Variants in VWA3B observed in about 807,000 individuals in gnomAD.
The protein encoded by VWA3B is von Willebrand factor A domain-containing protein 3B.
In VWA3B, 138 loss-of-function variants were observed where a neutral mutation model predicts 158.3. That is an observed-to-expected ratio of 0.87 (90% CI 0.76 to 1.00). VWA3B has a LOEUF of 1.00. Among genes scored for constraint, VWA3B ranks in the 50% least tolerant of loss-of-function variants. The pLI, the probability that VWA3B is intolerant of heterozygous loss-of-function variation, is 0.00. For missense variants in VWA3B, 1,555 were observed against 1,565.1 expected (o/e 0.99, Z 0.11); for synonymous variants, 596 against 587.3 (o/e 1.01, Z -0.21).
intron 12 of VWA3B, chr2:98,207,706 T>C: frequency 2.4e-6 from 1 of 411,560 alleles, no homozygotes; most frequent in Non-Finnish European, 4.7e-6. Context: ...CAGAAGCTGA[T>C]ACGCTGGCTG....
chr2:98,191,911 C>G (rs1034209829), intron 10 of VWA3B, among the ~76,000 whole-genome samples: 33 of 152,168 alleles, frequency 2.2e-4, no homozygotes, highest in African/African-American at 7.2e-4. Flanking sequence ...AATATTTTTT[C>G]CATACTCTTT....
intron 5 of VWA3B, among the ~76,000 whole-genome samples, chr2:98,126,168 A>G (rs561938716): frequency 6.6e-6 from 1 of 152,338 alleles, no homozygotes; most frequent in East Asian, 1.9e-4. Context: ...TCATAACCTT[A>G]GTAAAGGAAA....
intron 7 of VWA3B, among the ~76,000 whole-genome samples, chr2:98,136,206 A>G (rs1676270244): frequency 6.6e-6 from 1 of 152,198 alleles, no homozygotes; most frequent in South Asian, 2.1e-4. Flanking sequence ...TAAGATAAAA[A>G]ATGTTTTTTA....
At chr2:98,318,712 C>A in the VWA3B span, among the ~76,000 whole-genome samples, 1 of 152,082 alleles carries the variant, frequency 6.6e-6, no homozygotes, top group African/African-American at 2.4e-5. Flanking sequence ...GCACATGTAC[C>A]CCTGAACTTA....
intron 8 of VWA3B, among the ~76,000 whole-genome samples, chr2:98,164,779 A>T (rs1031024977): frequency 6.6e-6 from 1 of 152,222 alleles, no homozygotes; most frequent in African/African-American, 2.4e-5. Flanking sequence ...TGCACCATAC[A>T]AACAACCTCA....
intron 8 of VWA3B, among the ~76,000 whole-genome samples, chr2:98,171,147 A>G (rs567642718): frequency 2.0e-5 from 3 of 152,330 alleles, no homozygotes; most frequent in African/African-American, 7.2e-5. Context: ...TCTTTCCTTT[A>G]TTTAGTGCTT....
intron 17 of VWA3B, among the ~76,000 whole-genome samples, chr2:98,235,525 A>C (rs1167480671): frequency 1.3e-5 from 2 of 151,870 alleles, no homozygotes; most frequent in Admixed American, 1.3e-4. Context: ...TCCACGGTTC[A>C]AGTAATTCTC....
Position 98,294,056 on chromosome 2 carries a change from G to A in VWA3B, c.3157+3434G>A, listed in dbSNP as rs575249041. On this transcript the variant is annotated intron_variant, in intron 23 of 27. Transcript: ENST00000477737. ...AGATTACATTCAGGTTATCATTGCC[G>A]GCCAGAATACTGCCTAAGTGATGTC... 5.3e-5 allele frequency among the ~76,000 whole-genome samples: 8 copies of A among 151,684 alleles called. No individual in the cohort carries two copies. In the East Asian group the frequency reaches 1.4e-3, roughly 26 times the overall value.
Position 98,234,733 on chromosome 2 carries a change from T to C in VWA3B, c.2394T>C (p.Asn798=). Reference sequence around the variant, plus strand: ...GTGAAAGGAAGGATGGCCTCTCCAATGCCAGCAGCCGGAGGACTGCTCTAA... The same window carrying C: ...GTGAAAGGAAGGATGGCCTCTCCAACGCCAGCAGCCGGAGGACTGCTCTAA... The part of the protein sequence containing the change: ...ACSERKDGLS[N]ASSRRTALSD... Residue 798 remains asparagine, a synonymous_variant, in exon 17 of 28, where the codon AAT becomes AAC. Coordinates refer to ENST00000477737, the MANE Select transcript of VWA3B (RefSeq NM_144992.5). The C allele has an allele frequency of 6.2e-7, 1 of 1,614,180 alleles. No homozygotes were observed. Among genetic ancestry groups the C allele is most frequent in the Non-Finnish European group, 8.5e-7 (1 of 1,180,030 alleles).
intron 2 of VWA3B, among the ~76,000 whole-genome samples, chr2:98,100,478 A>G (rs1683005274): frequency 6.6e-6 from 1 of 152,264 alleles, no homozygotes; most frequent in Non-Finnish European, 1.5e-5. Context: ...ACACAGAGGC[A>G]CAACTAAAGC....
chr2:98,261,349 T>A (rs905369878), intron 21 of VWA3B, among the ~76,000 whole-genome samples: 2 of 151,814 alleles, frequency 1.3e-5, no homozygotes, highest in African/African-American at 2.4e-5. Context: ...TTATATCATT[T>A]ACATTGTGTG....
intron 7 of VWA3B, among the ~76,000 whole-genome samples, chr2:98,151,640 G>A (rs1481521085): frequency 2.0e-5 from 3 of 152,186 alleles, no homozygotes; most frequent in African/African-American, 7.2e-5. Context: ...TTTGCTGGAA[G>A]GTGAATCAAC....
In VWA3B at chr2:98,211,926, G is replaced by A. The variant is rs62154945; in HGVS notation, c.1738-4G>A. 104,924 of 1,610,944 alleles carry A rather than the reference G, an allele frequency of 0.065. 4,137 individuals carry two copies. Among genetic ancestry groups the A allele is most frequent in the Non-Finnish European group, 0.077 (90,692 of 1,178,788 alleles). On this transcript the variant is annotated splice_region_variant and splice_polypyrimidine_tract_variant and intron_variant, in intron 12 of 27. Transcript: ENST00000477737. Reference sequence around the variant, plus strand: ...TGTGTCCTTGGTGTCTCTTTTTTCCGTAGATTGGAAGCTCCACAAACACCC... The same window carrying A: ...TGTGTCCTTGGTGTCTCTTTTTTCCATAGATTGGAAGCTCCACAAACACCC...
At chr2:98,186,641 G>A (rs893442144) in intron 9 of VWA3B, among the ~76,000 whole-genome samples, 3 of 151,760 alleles carry the variant, frequency 2.0e-5, no homozygotes, top group Admixed American at 1.3e-4. Context: ...CTCGGTGAAC[G>A]CTGTCGGTTC....
intron 21 of VWA3B, among the ~76,000 whole-genome samples, chr2:98,268,048 A>G (rs1489993175): frequency 6.6e-6 from 1 of 152,048 alleles, no homozygotes; most frequent in Non-Finnish European, 1.5e-5. Flanking sequence ...GCAATAATCA[A>G]TAGCTTACCA....
intron 6 of VWA3B, 88 bp from the exon 7 acceptor site, chr2:98,133,736 G>A (rs1325865183): frequency 8.8e-6 from 10 of 1,130,182 alleles, no homozygotes; most frequent in Admixed American, 1.8e-5. Context: ...CAGTGCTGCC[G>A]AAGAGCACGT....
chr2:98,105,729 T>G (rs967967818), intron 2 of VWA3B, among the ~76,000 whole-genome samples: 2 of 151,708 alleles, frequency 1.3e-5, no homozygotes, highest in Non-Finnish European at 2.9e-5. Context: ...CTCTATCTCT[T>G]AAAAAACACA....
Position 98,250,445 on chromosome 2 carries a change from T to G in VWA3B, c.2792+9T>G. 10 of 1,583,510 alleles carry G rather than the reference T, an allele frequency of 6.3e-6. No individual in the cohort carries two copies. The highest frequency in any genetic ancestry group is 8.6e-6 in the Non-Finnish European group (10 of 1,159,302). The stretch of plus-strand genomic sequence containing the variant: ...ATTCAATCCTATGAAAAGTGAGTAT[T>G]ACTCTTGGCTGCTCTTTAATGGATG... On this transcript the variant is annotated intron_variant, in intron 20 of 27. Coordinates refer to ENST00000477737, the MANE Select transcript of VWA3B (RefSeq NM_144992.5).
intron 20 of VWA3B, among the ~76,000 whole-genome samples, chr2:98,255,532 CT>C (rs1687079306): frequency 6.6e-6 from 1 of 151,990 alleles, no homozygotes; most frequent in Non-Finnish European, 1.5e-5. Context: ...TAGCTTCAAC[CT>C]CCTTCTTTGC....
Sources: gnomAD v4.1 joint callset for allele counts (sites outside exome capture counted in the v4.1 genomes callset) on GRCh38, gnomAD v4.1.1 for gene constraint, MANE v1.5 for transcripts, NCBI Gene and HGNC (gene_info 2026-07-23, HGNC 2026-07-21) for gene names.